ADAMTS9: variants seen among roughly 807,000 people sequenced by gnomAD.
The protein encoded by ADAMTS9 is A disintegrin and metalloproteinase with thrombospondin motifs 9.
ADAMTS9 carries 107 observed loss-of-function variants against 257.1 expected under a neutral mutation model. The observed-to-expected ratio is 0.42, with a 90% CI of 0.36 to 0.49. The LOEUF (loss-of-function observed/expected upper bound fraction) is 0.49, where lower values mean the gene tolerates loss of function less well. Ranked by LOEUF, ADAMTS9 falls within the 20% of genes least tolerant of loss-of-function variation. The pLI is 0.03. For missense variants in ADAMTS9, 2,353 were observed against 2,469.1 expected (o/e 0.95, Z 1.00); for synonymous variants, 982 against 880.9 (o/e 1.11, Z -2.03).
chr3:64,665,196 C>A (rs7627550), intron 3 of ADAMTS9, among the ~76,000 whole-genome samples: 105,662 of 152,148 alleles, frequency 0.69, 37,773 homozygotes, highest in African/African-American at 0.88. Context: ...TTACAGTTCT[C>A]ACATTTTATT....
intron 32 of ADAMTS9, among the ~76,000 whole-genome samples, chr3:64,545,258 G>C (rs1296411047): frequency 6.6e-6 from 1 of 152,130 alleles, no homozygotes; most frequent in Non-Finnish European, 1.5e-5. Context: ...CCATTACTGG[G>C]CATATACCCA....
intron 12 of ADAMTS9, among the ~76,000 whole-genome samples, chr3:64,637,875 T>C (rs1700539069): frequency 2.0e-5 from 3 of 152,214 alleles, no homozygotes; most frequent in Admixed American, 6.5e-5. Flanking sequence ...TGGATTCTTT[T>C]ACTTATTCAT....
At chr3:64,525,467 T>G (rs146182775) in intron 38 of ADAMTS9, among the ~76,000 whole-genome samples, 82 of 152,274 alleles carry the variant, frequency 5.4e-4, no homozygotes, top group African/African-American at 1.9e-3. Flanking sequence ...TGGGGTTACA[T>G]TCTCAGAACT....
chr3:64,623,513 A>C (rs986444976), intron 16 of ADAMTS9, among the ~76,000 whole-genome samples: 9 of 152,236 alleles, frequency 5.9e-5, no homozygotes, highest in Non-Finnish European at 1.3e-4. Context: ...ACTTCAAGCC[A>C]GAAACACCCG....
chr3:64,574,830 C>T (rs892815740), intron 28 of ADAMTS9, among the ~76,000 whole-genome samples: 1 of 152,132 alleles, frequency 6.6e-6, no homozygotes, highest in Non-Finnish European at 1.5e-5. Context: ...CCTCTACTTA[C>T]CCATGGCAAC....
At chr3:64,616,659 T>C (rs2084771800) in intron 19 of ADAMTS9, among the ~76,000 whole-genome samples, 1 of 152,218 alleles carries the variant, frequency 6.6e-6, no homozygotes, top group East Asian at 1.9e-4. Flanking sequence ...GTATTCAGTG[T>C]GTGCTGGCCA....
In ADAMTS9 at chr3:64,668,925, G is replaced by T. The variant is rs1701415347; in HGVS notation, c.680-10134C>A. Among the ~76,000 whole-genome samples, 3 of 152,106 alleles carry T rather than the reference G, an allele frequency of 2.0e-5. No individual in the cohort carries two copies. The South Asian group carries it at 6.2e-4, about 32-fold the overall frequency. On this transcript the variant is annotated intron_variant, in intron 3 of 39. Transcript: ENST00000498707. ...GGGAGTGTATCTCCCACATTCTTTT[G>T]ATACACAGGTCTCCTAGTTTACAGG...
At chr3:64,620,488 C>G (rs762650204) in intron 19 of ADAMTS9, among the ~76,000 whole-genome samples, 2 of 151,576 alleles carry the variant, frequency 1.3e-5, no homozygotes, top group Non-Finnish European at 2.9e-5. Flanking sequence ...AAAATGCAAG[C>G]CCCGACTACT....
intron 9 of ADAMTS9, chr3:64,649,998 TAGGA>T: frequency 2.0e-6 from 1 of 498,656 alleles, no homozygotes; most frequent in Non-Finnish European, 3.5e-6. Flanking sequence ...ACATAGCCAG[TAGGA>T]AATATACACC....
intron 3 of ADAMTS9, among the ~76,000 whole-genome samples, chr3:64,660,357 C>T (rs560929472): frequency 6.6e-6 from 1 of 152,270 alleles, no homozygotes; most frequent in South Asian, 2.1e-4. Flanking sequence ...TCAGTTTAGG[C>T]CAGGATGTGC....
chr3:64,553,715 C>T (rs976875881), intron 30 of ADAMTS9, among the ~76,000 whole-genome samples: 1 of 152,004 alleles, frequency 6.6e-6, no homozygotes, highest in African/African-American at 2.4e-5. Flanking sequence ...GAGTAAACCT[C>T]AATATCTAGA....
At chr3:64,662,657 G>C (rs574883449) in intron 3 of ADAMTS9, among the ~76,000 whole-genome samples, 24 of 151,928 alleles carry the variant, frequency 1.6e-4, no homozygotes, top group Non-Finnish European at 3.4e-4. Context: ...AAAACACTTT[G>C]ATGGACTTTA....
intron 35 of ADAMTS9, 38 bp from the exon 36 acceptor site, chr3:64,541,266 A>T (rs3796383): frequency 4.9e-5 from 79 of 1,613,918 alleles, no homozygotes; most frequent in African/African-American, 4.5e-4. Context: ...AGGATGGGAA[A>T]GCATTTCCAG....
chr3:64,542,389 C>T (rs150847137), intron 32 of ADAMTS9, among the ~76,000 whole-genome samples: 1 of 150,480 alleles, frequency 6.6e-6, no homozygotes, highest in Admixed American at 6.6e-5. Flanking sequence ...GCTTCCAAGT[C>T]GTTATACACT....
intron 28 of ADAMTS9, chr3:64,588,736 C>T (rs1423096719): frequency 2.6e-5 from 4 of 152,086 alleles, no homozygotes; most frequent in Non-Finnish European, 5.9e-5. Context: ...GTCAAGCTAC[C>T]ACAAAATAGC....
At chr3:64,588,340 T>C (rs979399382) in intron 28 of ADAMTS9, 3 of 152,154 alleles carry the variant, frequency 2.0e-5, no homozygotes, top group African/African-American at 7.2e-5. Context: ...GAGCTCTAAC[T>C]TGTACACTGC....
At chr3:64,665,754 A>C (rs1397160528) in intron 3 of ADAMTS9, among the ~76,000 whole-genome samples, 1 of 152,180 alleles carries the variant, frequency 6.6e-6, no homozygotes, top group Non-Finnish European at 1.5e-5. Flanking sequence ...GGAACTACAA[A>C]ACCAGAAGTG....
chr3:64,535,483 G>T (rs534441804), intron 37 of ADAMTS9, among the ~76,000 whole-genome samples: 8 of 152,002 alleles, frequency 5.3e-5, no homozygotes, highest in African/African-American at 1.9e-4. Context: ...TAGCTGCACT[G>T]AAGCCCCCTC....
rs139443749 is a variant in ADAMTS9 at position 64,680,489 on chromosome 3, A to G, written c.679+712T>C. On this transcript the variant is annotated intron_variant, in intron 3 of 39. Transcript: ENST00000498707. Reference sequence around the variant, plus strand: ...TGAGGCAGTGAAGTGTTGCTACAAGACTGCAGATGAAGAAACACAGACAGA... The same window carrying G: ...TGAGGCAGTGAAGTGTTGCTACAAGGCTGCAGATGAAGAAACACAGACAGA... Among the ~76,000 whole-genome samples, 327 of 152,282 alleles carry G rather than the reference A, an allele frequency of 2.1e-3. 2 individuals are homozygous for G. Among genetic ancestry groups the G allele is most frequent in the African/African-American group, 7.4e-3 (307 of 41,564 alleles).
Sources: allele counts gnomAD v4.1 joint callset (sites outside exome capture counted in the v4.1 genomes callset), GRCh38; gene constraint gnomAD v4.1.1; transcripts MANE v1.5; gene names NCBI Gene and HGNC (gene_info 2026-07-23, HGNC 2026-07-21).